CAMTA1: variants seen among roughly 807,000 people sequenced by gnomAD.
CAMTA1 encodes the protein calmodulin-binding transcription activator 1.
Under a neutral mutation model 170.9 loss-of-function variants are expected in CAMTA1, and 27 were observed. That is an observed-to-expected ratio of 0.16 (90% CI 0.12 to 0.22). The LOEUF (loss-of-function observed/expected upper bound fraction) is 0.22. Among genes scored for constraint, CAMTA1 ranks in the 10% least tolerant of loss-of-function variants. CAMTA1 has a pLI of 1.00. For missense variants in CAMTA1, 1,619 were observed against 2,217.2 expected (o/e 0.73, Z 5.42); for synonymous variants, 833 against 891.5 (o/e 0.93, Z 1.17).
intron 5 of CAMTA1, among the ~76,000 whole-genome samples, chr1:7,363,574 A>T (rs1412832074): frequency 6.6e-6 from 1 of 152,158 alleles, no homozygotes; most frequent in African/African-American, 2.4e-5. Flanking sequence ...CCAGTGAGTG[A>T]CATTTCACAG....
At chr1:7,424,869 T>G (rs772598382) in intron 5 of CAMTA1, among the ~76,000 whole-genome samples, 19 of 151,892 alleles carry the variant, frequency 1.3e-4, no homozygotes, top group Admixed American at 3.3e-4. Flanking sequence ...GATAATAATG[T>G]GTGGGTTTGT....
Position 7,736,690 on chromosome 1 carries a change from G to A in CAMTA1, c.3263+150G>A, listed in dbSNP as rs1385103999. ...GCTTTGTCCTTGGACAGTTTCCAAG[G>A]GAGTTTTATAAACTTCTTCCCAAGA... On this transcript the variant is annotated intron_variant, in intron 13 of 22. Transcript: ENST00000303635. The surrounding 1 kb of genome is among the most constrained non-coding windows in gnomAD (Gnocchi z 4.5). 1.3e-6 allele frequency: 1 copy of A among 796,844 alleles called. No homozygotes were observed. The highest frequency in any genetic ancestry group is 2.6e-5 in the East Asian group (1 of 38,086). The allele number at this position is 796,844 out of a possible 1,614,324, so 49.4% of individuals were successfully genotyped here.
chr1:7,265,610 G>T (rs907789135), intron 5 of CAMTA1, among the ~76,000 whole-genome samples: 1 of 152,066 alleles, frequency 6.6e-6, no homozygotes, highest in African/African-American at 2.4e-5. Context: ...CACTGCACCT[G>T]GCCAAAAAGA....
At chr1:7,453,387 A>G (rs56247603) in intron 5 of CAMTA1, among the ~76,000 whole-genome samples, 15,647 of 152,258 alleles carry the variant, frequency 0.1, 918 homozygotes, top group Middle Eastern at 0.13. Context: ...CAGTCTGTCC[A>G]GGTGCCTAGA....
chr1:7,124,252 A>G lies in CAMTA1; in HGVS notation c.302+32881A>G, dbSNP rs115947203. 9.5e-3 allele frequency among the ~76,000 whole-genome samples: 1,445 copies of G among 151,938 alleles called. 21 individuals carry two copies. The highest frequency in any genetic ancestry group is 0.033 in the African/African-American group (1,349 of 41,430). On this transcript the variant is annotated intron_variant, in intron 4 of 22. Transcript: ENST00000303635. ...TGCTCTTTTCCCTCTCCTGGGACGA[A>G]TCTCCTCCCTCCCAGACACCTGTCC...
chr1:7,460,505 C>T (rs767769051), intron 5 of CAMTA1, among the ~76,000 whole-genome samples: 19 of 152,106 alleles, frequency 1.2e-4, no homozygotes, highest in Non-Finnish European at 2.4e-4. Flanking sequence ...TGAAAAGTTA[C>T]TCACATGGGA....
Position 6,862,841 on chromosome 1 carries a change from T to G in CAMTA1, c.234+37631T>G, listed in dbSNP as rs947012426. Among the ~76,000 whole-genome samples the G allele has an allele frequency of 6.6e-5, 10 of 152,360 alleles. No homozygotes were observed. In the East Asian group the frequency reaches 7.7e-4, roughly 12 times the overall value. ...TATTTCTCAGCAATTAGAGCGAGGC[T>G]CTTTTCTTTTCCCTTGTTTTGGAAA... is the stretch of plus-strand genomic sequence containing the variant. On this transcript the variant is annotated intron_variant, in intron 3 of 22. Coordinates refer to ENST00000303635, the MANE Select transcript of CAMTA1 (RefSeq NM_015215.4).
chr1:7,244,753 A>C (rs1665479656), intron 4 of CAMTA1, among the ~76,000 whole-genome samples: 1 of 142,740 alleles, frequency 7.0e-6, no homozygotes, highest in Non-Finnish European at 1.5e-5. Context: ...GGGTTGGGGG[A>C]GGCGGGGAGG....
chr1:7,022,429 AG>A (rs1701491402), intron 3 of CAMTA1, among the ~76,000 whole-genome samples: 2 of 152,086 alleles, frequency 1.3e-5, no homozygotes, highest in South Asian at 4.2e-4. Flanking sequence ...ATGAGGAGTG[AG>A]GTTTCCTCTT....
intron 3 of CAMTA1, among the ~76,000 whole-genome samples, chr1:6,880,853 A>G (rs1372835264): frequency 1.3e-5 from 2 of 152,224 alleles, no homozygotes; most frequent in East Asian, 1.9e-4. Context: ...AGGTGTATCT[A>G]GAATGAAGCA....
chr1:7,508,028 G>A (rs901639970), intron 6 of CAMTA1, among the ~76,000 whole-genome samples: 1 of 152,266 alleles, frequency 6.6e-6, no homozygotes, highest in Non-Finnish European at 1.5e-5. Context: ...GGTTTATGGG[G>A]CACTTGGCTG....
At position 6,810,348 on chromosome 1, in the gene CAMTA1, TG is replaced by T. The variant is rs530091642; in HGVS notation, c.46-9832del. On this transcript the variant is annotated intron_variant, in intron 1 of 22. Transcript: ENST00000303635. ...TTGGCCCGAGGCTACCCTCAATTCC[TG>T]CCCCAGGGGCCTCTGCAACACCATA... 2.8e-4 allele frequency among the ~76,000 whole-genome samples: 42 copies of T among 152,316 alleles called. No homozygotes were observed. In the East Asian group the frequency reaches 7.9e-3, roughly 29 times the overall value.
rs551056644 is a variant in CAMTA1, at chr1:7,339,223, T to C, written c.438+89597T>C. On this transcript the variant is annotated intron_variant, in intron 5 of 22. Coordinates refer to ENST00000303635, the MANE Select transcript of CAMTA1 (RefSeq NM_015215.4). ...TGTATCATGGTGGTGATTGTGCAAC[T>C]CCGTGAATATACTAAAGCCACTCCA... 2.6e-5 allele frequency among the ~76,000 whole-genome samples: 4 copies of C among 152,342 alleles called. No homozygotes were observed. The South Asian group carries it at 8.3e-4, about 32-fold the overall frequency.
chr1:7,531,325 C>G (rs188169755), intron 6 of CAMTA1, among the ~76,000 whole-genome samples: 1 of 152,174 alleles, frequency 6.6e-6, no homozygotes, highest in African/African-American at 2.4e-5. Context: ...CCATGCCTCA[C>G]GCTCTTCACC....
Position 7,498,496 on chromosome 1 carries a change from AGT to A in CAMTA1, c.510+30599_510+30600del, listed in dbSNP as rs559106559. On this transcript the variant is annotated intron_variant, in intron 6 of 22. Transcript: ENST00000303635. ...GGATGTGTGAGCATGTATGAGAGTGAGTGTGGGTGTGGGTGTATATGCATAGG... is the reference window on the plus strand; with the variant it reads ...GGATGTGTGAGCATGTATGAGAGTGAGTGGGTGTGGGTGTATATGCATAGG... Among the ~76,000 whole-genome samples the A allele has an allele frequency of 7.9e-4, 118 of 150,182 alleles. 2 individuals carry two copies. Among genetic ancestry groups the A allele is most frequent in the African/African-American group, 2.8e-3 (112 of 40,582 alleles).
intron 6 of CAMTA1, among the ~76,000 whole-genome samples, chr1:7,518,284 G>A (rs566887411): frequency 3.3e-5 from 5 of 151,960 alleles, no homozygotes; most frequent in South Asian, 4.1e-4. Flanking sequence ...GAGGTGTGGC[G>A]GGATCTCTCC....
intron 5 of CAMTA1, among the ~76,000 whole-genome samples, chr1:7,301,546 C>A (rs55726022): frequency 0.012 from 1,784 of 152,100 alleles, 45 homozygotes; most frequent in African/African-American, 0.041. Context: ...GCTCAGCCAG[C>A]CCCTCAGATG....
rs78220603 is a variant in CAMTA1, at chr1:7,247,402, C to A, written c.303-2089C>A. ...ATGTGGGAACGGTTTGCCTGAGTAC[C>A]CTGCTGAGGTTATTAGTCATATTTA... On this transcript the variant is annotated intron_variant, in intron 4 of 22. Transcript: ENST00000303635. 3.8e-3 allele frequency among the ~76,000 whole-genome samples: 574 copies of A among 152,268 alleles called. 5 individuals carry two copies. Among genetic ancestry groups the A allele is most frequent in the African/African-American group, 0.013 (542 of 41,554 alleles).
At chr1:7,427,626 C>T (rs1043893764) in intron 5 of CAMTA1, among the ~76,000 whole-genome samples, 1 of 152,214 alleles carries the variant, frequency 6.6e-6, no homozygotes, top group Non-Finnish European at 1.5e-5. Context: ...AATTTTCAAT[C>T]TCTAGTCTCT....
Sources: allele counts gnomAD v4.1 joint callset (sites outside exome capture counted in the v4.1 genomes callset), GRCh38; gene constraint gnomAD v4.1.1; non-coding constraint Gnocchi (gnomAD v3.1); transcripts MANE v1.5; gene names NCBI Gene and HGNC (gene_info 2026-07-23, HGNC 2026-07-21).